The following PTPRT variants were observed in gnomAD, a reference collection of about 807,000 sequenced individuals.
The protein encoded by PTPRT is protein tyrosine phosphatase receptor type T.
PTPRT carries 56 observed loss-of-function variants against 176.8 expected under a neutral mutation model. That is an observed-to-expected ratio of 0.32 (90% CI 0.26 to 0.40). The LOEUF (loss-of-function observed/expected upper bound fraction) is 0.40, where lower values mean the gene tolerates loss of function less well. Among genes scored for constraint, PTPRT ranks in the 10% least tolerant of loss-of-function variants. The pLI is 1.00. For synonymous variants in PTPRT, 783 were observed against 739.0 expected (o/e 1.06, Z -0.96); for missense variants, 1,540 against 1,908.2 (o/e 0.81, Z 3.60).
chr20:42,363,292 ATATATATATTTTTTT>A (rs1286509997), intron 9 of PTPRT, among the ~76,000 whole-genome samples: 7 of 25,454 alleles, frequency 2.8e-4, no homozygotes, highest in African/African-American at 1.2e-3. Flanking sequence ...ATATATATAT[ATATATATATTTTTTT>A]TTTTTTTTTT....
intron 1 of PTPRT, among the ~76,000 whole-genome samples, chr20:43,068,625 G>A (rs2011144081): frequency 6.6e-6 from 1 of 151,994 alleles, no homozygotes; most frequent in Non-Finnish European, 1.5e-5. Flanking sequence ...GTGGGACTGA[G>A]ATTTAAGAGC....
At chr20:42,724,253 C>A (rs934549237) in intron 6 of PTPRT, among the ~76,000 whole-genome samples, 1 of 152,134 alleles carries the variant, frequency 6.6e-6, no homozygotes, top group Non-Finnish European at 1.5e-5. Flanking sequence ...AATGAAAATG[C>A]ATCAACACCA....
chr20:42,275,999 C>G (rs1366501240), intron 13 of PTPRT, among the ~76,000 whole-genome samples: 3 of 152,154 alleles, frequency 2.0e-5, no homozygotes, highest in Non-Finnish European at 4.4e-5. Flanking sequence ...GAACAACAAT[C>G]AAGAGCTTTC....
chr20:42,090,572 C>A (rs1984511047), intron 27 of PTPRT, among the ~76,000 whole-genome samples: 1 of 152,130 alleles, frequency 6.6e-6, no homozygotes, highest in Admixed American at 6.6e-5. Context: ...GCATGTATTT[C>A]TTGCAGAAAC....
At chr20:43,039,446 G>A (rs1986517492) in intron 1 of PTPRT, among the ~76,000 whole-genome samples, 1 of 151,340 alleles carries the variant, frequency 6.6e-6, no homozygotes, top group South Asian at 2.1e-4. Flanking sequence ...AAGGAAGAGA[G>A]GAAAGGAAGA....
rs187038932 is a variant in PTPRT, at chr20:42,994,539, T to G, written c.89-108607A>C. Reference sequence around the variant, plus strand: ...CAATACAATTTTTTGTTATACAGGCTGTCTCATACCTTAGAGAGCCAGATG... The same window carrying G: ...CAATACAATTTTTTGTTATACAGGCGGTCTCATACCTTAGAGAGCCAGATG... On this transcript the variant is annotated intron_variant, in intron 1 of 30. Transcript: ENST00000373187. Among the ~76,000 whole-genome samples the G allele has an allele frequency of 4.7e-3, 723 of 152,246 alleles. 8 individuals carry two copies. The highest frequency in any genetic ancestry group is 0.017 in the African/African-American group (693 of 41,530).
chr20:42,074,069 A>C lies in PTPRT; in HGVS notation c.*6810T>G, dbSNP rs1982543082. The C allele has an allele frequency of 4.4e-6, 1 of 229,748 alleles. No individual in the cohort carries two copies. The highest frequency in any genetic ancestry group is 8.6e-6 in the Non-Finnish European group (1 of 115,924). 14.2% of individuals were successfully genotyped at this position (229,748 alleles called of 1,614,324 possible). ...CTTGACTTCATCCAAGAATCTGCAG[A>C]GCTATGGAAGATATGGACACCATAT... is the stretch of plus-strand genomic sequence containing the variant. On this transcript the variant is annotated 3_prime_UTR_variant, in exon 31 of 31. Transcript: ENST00000373187.
chr20:43,129,744 A>G (rs920996465), intron 1 of PTPRT, among the ~76,000 whole-genome samples: 1 of 146,660 alleles, frequency 6.8e-6, no homozygotes, highest in Non-Finnish European at 1.5e-5. Context: ...TCAGCCTCCC[A>G]AGTAGCTGGG....
intron 1 of PTPRT, among the ~76,000 whole-genome samples, chr20:42,955,858 A>G (rs1600591786): frequency 4.9e-5 from 1 of 20,568 alleles, no homozygotes; most frequent in African/African-American, 1.9e-4. Context: ...AGGGAGAAGG[A>G]GGGAGGGAGG....
At chr20:42,677,657 C>G (rs1198714225) in intron 7 of PTPRT, among the ~76,000 whole-genome samples, 1 of 152,012 alleles carries the variant, frequency 6.6e-6, no homozygotes, top group Non-Finnish European at 1.5e-5. Context: ...CTAGAAAGCC[C>G]CTAGAAATGC....
At chr20:42,057,867 A>G in the PTPRT span, among the ~76,000 whole-genome samples, 2 of 152,206 alleles carry the variant, frequency 1.3e-5, no homozygotes, top group African/African-American at 2.4e-5. Context: ...GCATAAGCCT[A>G]TAAGACACGC....
chr20:43,092,748 T>C (rs758041999), intron 1 of PTPRT, among the ~76,000 whole-genome samples: 3 of 152,226 alleles, frequency 2.0e-5, no homozygotes, highest in Non-Finnish European at 2.9e-5. Flanking sequence ...ATAACAGTTG[T>C]TCCATTTCCA....
chr20:42,227,203 A>C (rs2146817224), intron 15 of PTPRT, among the ~76,000 whole-genome samples: 1 of 152,132 alleles, frequency 6.6e-6, no homozygotes, highest in Non-Finnish European at 1.5e-5. Context: ...GGAAGAGGAA[A>C]GAAGGAGGGA....
chr20:42,977,091 C>G (rs1189739244), intron 1 of PTPRT, among the ~76,000 whole-genome samples: 1 of 152,154 alleles, frequency 6.6e-6, no homozygotes, highest in Non-Finnish European at 1.5e-5. Flanking sequence ...GTGGTTAAAA[C>G]AAGCACAGAC....
Position 43,156,206 on chromosome 20 carries a change from A to G in PTPRT, c.88+33440T>C, listed in dbSNP as rs561573993. Reference sequence around the variant, plus strand: ...TTATTTCCTGATCAGCACTGGGGACAGGAACCACAGATCAAGTGGACAAGC... The same window carrying G: ...TTATTTCCTGATCAGCACTGGGGACGGGAACCACAGATCAAGTGGACAAGC... On this transcript the variant is annotated intron_variant, in intron 1 of 30. Coordinates refer to ENST00000373187, the MANE Select transcript of PTPRT (RefSeq NM_007050.6). Among the ~76,000 whole-genome samples, 9 of 152,350 alleles carry G rather than the reference A, an allele frequency of 5.9e-5. No individual in the cohort carries two copies. The South Asian group carries it at 8.3e-4, about 14-fold the overall frequency.
chr20:43,062,636 T>A (rs1353499160), intron 1 of PTPRT, among the ~76,000 whole-genome samples: 1 of 152,198 alleles, frequency 6.6e-6, no homozygotes, highest in Non-Finnish European at 1.5e-5. Flanking sequence ...TAATCAAGAA[T>A]GAATACCAAA....
In PTPRT at chr20:42,128,849, T is replaced by A; in HGVS notation, c.2771-19A>T. 1 of 1,592,090 alleles carries A rather than the reference T, an allele frequency of 6.3e-7. No individual in the cohort carries two copies. The highest frequency in any genetic ancestry group is 8.6e-7 in the Non-Finnish European group (1 of 1,168,688). On this transcript the variant is annotated intron_variant, in intron 18 of 30. Coordinates refer to ENST00000373187, the MANE Select transcript of PTPRT (RefSeq NM_007050.6). ...TGGTCGTCTGCAGAGAGAGCAGAAA[T>A]CAAGGGGATGGTTGATAAGAGGCCT...
intron 7 of PTPRT, among the ~76,000 whole-genome samples, chr20:42,611,472 G>A (rs1004889662): frequency 6.6e-6 from 1 of 152,188 alleles, no homozygotes; most frequent in Non-Finnish European, 1.5e-5. Flanking sequence ...GCTCCAAGAG[G>A]TTGAGCCTGT....
intron 1 of PTPRT, among the ~76,000 whole-genome samples, chr20:42,954,816 T>C (rs1981516584): frequency 6.6e-6 from 1 of 152,090 alleles, no homozygotes. Context: ...TAGGTCACCT[T>C]TGTCCAAGGA....
Sources: allele counts gnomAD v4.1 joint callset (sites outside exome capture counted in the v4.1 genomes callset), GRCh38; gene constraint gnomAD v4.1.1; transcripts MANE v1.5; gene names NCBI Gene and HGNC (gene_info 2026-07-23, HGNC 2026-07-21).